KIF23: variants seen among roughly 807,000 people sequenced by gnomAD.
The protein encoded by KIF23 is kinesin-like protein KIF23.
In KIF23, 30 loss-of-function variants were observed where a neutral mutation model predicts 137.5. That is an observed-to-expected ratio of 0.22 (90% CI 0.16 to 0.30). The LOEUF (loss-of-function observed/expected upper bound fraction) is 0.30, where lower values mean the gene tolerates loss of function less well. Among genes scored for constraint, KIF23 ranks in the 10% least tolerant of loss-of-function variants. The pLI is 1.00. For missense variants in KIF23, 920 were observed against 1,194.3 expected (o/e 0.77, Z 3.38); for synonymous variants, 367 against 391.1 (o/e 0.94, Z 0.73).
intron 14 of KIF23, 98 bp from the exon 15 acceptor site, chr15:69,436,466 T>C: frequency 2.5e-6 from 3 of 1,185,412 alleles, no homozygotes; most frequent in East Asian, 2.4e-5. Context: ...GAAATTGCAA[T>C]GGTTAGTTGC....
At chr15:69,445,079 TA>T in intron 20 of KIF23, 38 bp downstream of exon 20, 2 of 1,563,388 alleles carry the variant, frequency 1.3e-6, no homozygotes, top group Non-Finnish European at 1.7e-6. Context: ...AAAATATATT[TA>T]AAAATTCAAC....
chr15:69,418,733 T>G (rs2056979572), intron 3 of KIF23, among the ~76,000 whole-genome samples: 1 of 152,238 alleles, frequency 6.6e-6, no homozygotes, highest in South Asian at 2.1e-4. Context: ...CAACTTGTGC[T>G]AGATGGAACT....
At chr15:69,425,185 A>T in intron 7 of KIF23, 97 bp from the exon 8 acceptor site, 2 of 882,186 alleles carry the variant, frequency 2.3e-6, no homozygotes, top group Non-Finnish European at 3.5e-6. Flanking sequence ...GGTTTTTAAG[A>T]TATGACTCAT....
intron 3 of KIF23, among the ~76,000 whole-genome samples, chr15:69,419,596 C>T (rs1230088147): frequency 1.3e-5 from 2 of 152,194 alleles, no homozygotes; most frequent in Non-Finnish European, 1.5e-5. Context: ...AACAGCACCC[C>T]ACAACCCCTC....
chr15:69,435,484 T>C lies in KIF23; in HGVS notation c.1116T>C (p.Gly372=), dbSNP rs369654652. ...RAEGNRLREA[G]NINQSLMTLR... ...CGTCTATGTATTTTTTTCTGTCAGG[T>C]AATATTAATCAGTCACTAATGACGC... The change falls in exon 12 of 24, where the codon GGT becomes GGC. Residue 372 remains glycine, a splice_region_variant and synonymous_variant. Transcript: ENST00000679126. The C allele has an allele frequency of 8.7e-6, 14 of 1,611,964 alleles. No individual in the cohort carries two copies. The African/African-American group carries it at 1.6e-4, about 18-fold the overall frequency.
In KIF23 at chr15:69,441,047, G is replaced by A; in HGVS notation, c.2389G>A (p.Glu797Lys). 4 of 1,613,900 alleles carry A rather than the reference G, an allele frequency of 2.5e-6. No homozygotes were observed. The highest frequency in any genetic ancestry group is 3.4e-6 in the Non-Finnish European group (4 of 1,179,838). Reference protein sequence around the residue: ...GREVVPTFRNEIEIEEDHCGR... With the variant: ...GREVVPTFRNKIEIEEDHCGR... ...GGAGGTGGTTCCTACATTCAGAAAT[G>A]AGATAGAAATAGAAGAGGATCATTG... is the stretch of plus-strand genomic sequence containing the variant. The change falls in exon 19 of 24, where the codon GAG (glutamate) becomes AAG (lysine). Residue 797 changes from glutamate to lysine, a missense_variant. Glu to Lys is a moderately conservative substitution (Grantham distance 56, BLOSUM62 1). Coordinates refer to ENST00000679126, the MANE Select transcript of KIF23 (RefSeq NM_001367805.3).
chr15:69,427,557 G>A (rs1188335486), intron 10 of KIF23: 3 of 432,102 alleles, frequency 6.9e-6, no homozygotes, highest in Admixed American at 2.6e-5. Context: ...TTCAGGGTAG[G>A]TATAGTTTAG....
intron 15 of KIF23, 37 bp downstream of exon 15, chr15:69,436,759 TA>T (rs777929203): frequency 1.7e-4 from 232 of 1,347,880 alleles, no homozygotes; most frequent in South Asian, 3.9e-4. Flanking sequence ...TTTATTTAAT[TA>T]TTTTTTTTTT....
chr15:69,417,379 TC>T lies in KIF23; in HGVS notation c.82-3del. The T allele has an allele frequency of 1.3e-6, 2 of 1,569,526 alleles. No homozygotes were observed. Among genetic ancestry groups the T allele is most frequent in the Non-Finnish European group, 1.7e-6 (2 of 1,161,206 alleles). On this transcript the variant is annotated splice_polypyrimidine_tract_variant and splice_region_variant and intron_variant, in intron 2 of 23. Coordinates refer to ENST00000679126, the MANE Select transcript of KIF23 (RefSeq NM_001367805.3). The stretch of plus-strand genomic sequence containing the variant: ...CTTCTTAAAGCACCTTCCTATTTCT[TC>T]AGGTATACTGTAGGGTGCGCCCACT...
chr15:69,428,673 A>C (rs924229263), intron 10 of KIF23, among the ~76,000 whole-genome samples: 12 of 151,484 alleles, frequency 7.9e-5, no homozygotes, highest in African/African-American at 2.2e-4. Context: ...AAAAAAAAAA[A>C]AAAAAAAAAA....
chr15:69,430,681 T>G (rs1469229390), intron 11 of KIF23, among the ~76,000 whole-genome samples: 1 of 152,196 alleles, frequency 6.6e-6, no homozygotes, highest in Non-Finnish European at 1.5e-5. Flanking sequence ...TGTAAGTTGG[T>G]GAACTATGAG....
Position 69,447,911 on chromosome 15 carries a change from T to C in KIF23, c.*104T>C. 7.9e-7 allele frequency: 1 copy of C among 1,262,466 alleles called. No individual in the cohort carries two copies. The allele number at this position is 1,262,466 out of a possible 1,614,324, so 78.2% of individuals were successfully genotyped here. ...AGGTCATCTTGTAGAACTCCAGCTT[T>C]GTTGAAAATCACGGACCTCAGCTAC... On this transcript the variant is annotated 3_prime_UTR_variant, in exon 24 of 24. Coordinates refer to ENST00000679126, the MANE Select transcript of KIF23 (RefSeq NM_001367805.3).
At chr15:69,432,681 G>A (rs2057384375) in intron 11 of KIF23, among the ~76,000 whole-genome samples, 1 of 152,134 alleles carries the variant, frequency 6.6e-6, no homozygotes, top group African/African-American at 2.4e-5. Flanking sequence ...GGATTACAGA[G>A]GAAACCAATT....
intron 7 of KIF23, 81 bp from the exon 8 acceptor site, chr15:69,425,201 T>C: frequency 1.9e-6 from 2 of 1,042,286 alleles, no homozygotes; most frequent in South Asian, 1.4e-5. Context: ...CTCATTGTGA[T>C]TGTCACATAG....
chr15:69,436,074 T>G (rs2057470501), intron 13 of KIF23, 64 bp from the exon 14 acceptor site: 1 of 1,576,012 alleles, frequency 6.3e-7, no homozygotes, highest in Non-Finnish European at 8.6e-7. Context: ...TTTGCTTCAT[T>G]TAGTAATTTC....
intron 7 of KIF23, among the ~76,000 whole-genome samples, chr15:69,424,123 T>C (rs1189952057): frequency 1.3e-5 from 2 of 152,218 alleles, no homozygotes; most frequent in Non-Finnish European, 2.9e-5. Flanking sequence ...ATCATTAGAC[T>C]GAGAATACAT....
chr15:69,447,238 G>A (rs1382290217), intron 23 of KIF23, among the ~76,000 whole-genome samples: 1 of 152,184 alleles, frequency 6.6e-6, no homozygotes, highest in Non-Finnish European at 1.5e-5. Flanking sequence ...TGAACTGAGA[G>A]TACCTCTAAG....
At chr15:69,425,761 A>G (rs949087738) in intron 8 of KIF23, 1 of 170,698 alleles carries the variant, frequency 5.9e-6, no homozygotes, top group African/African-American at 2.4e-5. Flanking sequence ...CTGTAATACT[A>G]CTTTGGTCTC....
chr15:69,427,806 TGAA>T (rs2140346337), intron 10 of KIF23, among the ~76,000 whole-genome samples: 1 of 152,340 alleles, frequency 6.6e-6, no homozygotes, highest in Admixed American at 6.5e-5. Flanking sequence ...GGAGTGGTAT[TGAA>T]GACCTCCAGG....
Sources: gnomAD v4.1 joint callset for allele counts (sites outside exome capture counted in the v4.1 genomes callset) on GRCh38, gnomAD v4.1.1 for gene constraint, MANE v1.5 for transcripts, NCBI Gene and HGNC (gene_info 2026-07-23, HGNC 2026-07-21) for gene names.